WASHC4: variants seen among roughly 807,000 people sequenced by gnomAD.
The protein encoded by WASHC4 is WASH complex subunit 7.
A neutral mutation model predicts 166.6 loss-of-function variants in WASHC4; 86 were observed. The observed-to-expected ratio is 0.52, with a 90% confidence interval of 0.43 to 0.62. The LOEUF is 0.62. Ranked by LOEUF, WASHC4 falls within the 20% of genes least tolerant of loss-of-function variation. The pLI, the probability that WASHC4 is intolerant of heterozygous loss-of-function variation, is 0.00. For synonymous variants in WASHC4, 446 were observed against 451.6 expected (o/e 0.99, Z 0.16); for missense variants, 1,262 against 1,382.4 (o/e 0.91, Z 1.38).
chr12:105,140,122 C>T (rs1452303364), intron 15 of WASHC4, among the ~76,000 whole-genome samples, 172 bp from the exon 16 acceptor site: 4 of 152,118 alleles, frequency 2.6e-5, no homozygotes, highest in East Asian at 1.9e-4. Flanking sequence ...CCACCTGCCT[C>T]GACCTCCCAA....
intron 7 of WASHC4, among the ~76,000 whole-genome samples, chr12:105,119,641 G>A (rs1022724712): frequency 6.6e-6 from 1 of 152,128 alleles, no homozygotes; most frequent in Non-Finnish European, 1.5e-5. Flanking sequence ...TTCCATACCC[G>A]CTGCAGTACC....
At position 105,160,161 on chromosome 12, in the gene WASHC4, A is replaced by G. The variant is rs1212213483; in HGVS notation, c.3060+13A>G. On this transcript the variant is annotated intron_variant, in intron 29 of 32. Coordinates refer to ENST00000332180, the MANE Select transcript of WASHC4 (RefSeq NM_015275.3). ...TGTTCCCCCTCTGGTGAGTATTTCC[A>G]GAACCTAAAATGAATTTTTTTTTTA... 1.9e-6 allele frequency: 3 copies of G among 1,609,832 alleles called. No individual in the cohort carries two copies. The highest frequency in any genetic ancestry group is 2.5e-6 in the Non-Finnish European group (3 of 1,176,650).
chr12:105,115,567 C>T, intron 5 of WASHC4, 94 bp from the exon 6 acceptor site: 1 of 865,548 alleles, frequency 1.2e-6, no homozygotes, highest in Non-Finnish European at 2.0e-6. Flanking sequence ...TAAAAGATGT[C>T]CTAATGAAAA....
At chr12:105,159,678 C>T (rs994903820) in intron 28 of WASHC4, among the ~76,000 whole-genome samples, 1 of 151,914 alleles carries the variant, frequency 6.6e-6, no homozygotes, top group African/African-American at 2.4e-5. Context: ...GTAGGAGAAA[C>T]GTTAGAGATT....
chr12:105,164,264 A>G lies in WASHC4; in HGVS notation c.3311A>G (p.Gln1104Arg), dbSNP rs375960032. 2 of 1,614,092 alleles carry G rather than the reference A, an allele frequency of 1.2e-6. No individual in the cohort carries two copies. Among genetic ancestry groups the G allele is most frequent in the Non-Finnish European group, 1.7e-6 (2 of 1,179,968 alleles). ...GCCAGTCAAGATGAAAAACTCTTAC[A>G]AACCATGAATCTCACTCAGAAGCGA... ...QSASQDEKLL[Q>R]TMNLTQKRLD... The change falls in exon 31 of 33, where the codon CAA becomes CGA. Residue 1104 changes from glutamine to arginine, a missense_variant. Gln to Arg is a conservative substitution (Grantham distance 43). Transcript: ENST00000332180.
chr12:105,128,819 C>T (rs1321950116), intron 13 of WASHC4, among the ~76,000 whole-genome samples: 23 of 151,598 alleles, frequency 1.5e-4, no homozygotes, highest in Admixed American at 1.5e-3. Flanking sequence ...CGCTCTGTTG[C>T]CCAGGCTGGA....
Position 105,114,370 on chromosome 12 carries a change from CAA to C in WASHC4, c.266_267del (p.Lys89SerfsTer11). The stretch of plus-strand genomic sequence containing the variant: ...TTTACTCATGAAACTAGGTCTTAAA[CAA>C]AGTCATCACTGTTTATGCTGCACTT... ...LIKTENKVLN[K>X]VITVYAALCC... On this transcript the variant is annotated frameshift_variant, in exon 4 of 33. Transcript: ENST00000332180. LOFTEE classifies it high-confidence loss of function. 2 of 1,599,788 alleles carry C rather than the reference CAA, an allele frequency of 1.3e-6. No individual in the cohort carries two copies. Among genetic ancestry groups the C allele is most frequent in the Non-Finnish European group, 8.5e-7 (1 of 1,171,332 alleles).
At chr12:105,122,567 C>A (rs1880862611) in intron 10 of WASHC4, among the ~76,000 whole-genome samples, 1 of 151,838 alleles carries the variant, frequency 6.6e-6, no homozygotes, top group Non-Finnish European at 1.5e-5. Flanking sequence ...CAGGTAATTG[C>A]ATTTTCTACA....
chr12:105,141,323 A>G (rs1592890957), intron 18 of WASHC4, 77 bp downstream of exon 18: 1 of 1,027,790 alleles, frequency 9.7e-7, no homozygotes, highest in Non-Finnish European at 1.5e-6. Context: ...TTAGCATAGC[A>G]AGAGAAGAAA....
Position 105,146,517 on chromosome 12 carries a change from C to G in WASHC4, c.2400C>G (p.Leu800=). The G allele has an allele frequency of 6.3e-7, 1 of 1,590,160 alleles. No homozygotes were observed. Among genetic ancestry groups the G allele is most frequent in the Non-Finnish European group, 8.6e-7 (1 of 1,160,576 alleles). The change falls in exon 23 of 33, where the codon CTC becomes CTG. Residue 800 remains leucine, a synonymous_variant. Coordinates refer to ENST00000332180, the MANE Select transcript of WASHC4 (RefSeq NM_015275.3). ...HIFVSRYLYN[L]NNQIFIERTS... The stretch of plus-strand genomic sequence containing the variant: ...TTGTGTCCCGATACCTCTATAATCT[C>G]AACAATCAGGTGAGTAGGGTTTATA...
intron 10 of WASHC4, among the ~76,000 whole-genome samples, chr12:105,124,972 C>T (rs1881141183): frequency 6.6e-6 from 1 of 152,144 alleles, no homozygotes; most frequent in Non-Finnish European, 1.5e-5. Context: ...CCTTAATAGC[C>T]ACATATAGTT....
Position 105,127,203 on chromosome 12 carries a change from T to C in WASHC4, c.1113T>C (p.Ala371=). The C allele has an allele frequency of 6.2e-7, 1 of 1,612,218 alleles. No individual in the cohort carries two copies. The highest frequency in any genetic ancestry group is 1.7e-4 in the Middle Eastern group (1 of 6,056). The part of the protein sequence containing the change: ...DNFLIQKIPA[A]AKLLDRKSLQ... ...TTCTGATCCAGAAAATACCAGCAGCTGCCAAACTGCTAGACAGAAAAAGTC... is the reference window on the plus strand; with the variant it reads ...TTCTGATCCAGAAAATACCAGCAGCCGCCAAACTGCTAGACAGAAAAAGTC... The change falls in exon 13 of 33, where the codon GCT becomes GCC. Residue 371 remains alanine (A), a synonymous_variant. Transcript: ENST00000332180.
chr12:105,149,879 C>A (rs1883598567), intron 25 of WASHC4, 130 bp downstream of exon 25: 2 of 888,280 alleles, frequency 2.3e-6, no homozygotes, highest in South Asian at 2.7e-5. Context: ...TCTTACTCTG[C>A]ATTATCTGTA....
chr12:105,136,720 G>A (rs192578474), intron 14 of WASHC4, among the ~76,000 whole-genome samples: 1 of 152,252 alleles, frequency 6.6e-6, no homozygotes, highest in East Asian at 1.9e-4. Flanking sequence ...TGATGTAATA[G>A]TCTTGCAGCT....
chr12:105,162,871 A>G (rs1302452527), intron 30 of WASHC4, 26 bp downstream of exon 30: 2 of 1,204,894 alleles, frequency 1.7e-6, no homozygotes, highest in East Asian at 2.4e-5. Context: ...TTGTTTTTCC[A>G]TTAATTTTAT....
chr12:105,141,018 T>G lies in WASHC4; in HGVS notation c.1680T>G (p.Ser560=). The G allele has an allele frequency of 6.2e-7, 1 of 1,614,202 alleles. No homozygotes were observed. Among genetic ancestry groups the G allele is most frequent in the South Asian group, 1.1e-5 (1 of 91,086 alleles). The change falls in exon 17 of 33, where the codon TCT becomes TCG. Residue 560 remains serine, a synonymous_variant. Coordinates refer to ENST00000332180, the MANE Select transcript of WASHC4 (RefSeq NM_015275.3). ...PSTKQRRLIV[S]LALSVGTQMK... ...CAAAGCAACGGCGACTTATTGTTTC[T>G]TTGGCACTAAGTGTTGGCACACAAA...
At position 105,143,247 on chromosome 12, in the gene WASHC4, ACAT is replaced by A. The variant is rs1357185594; in HGVS notation, c.2010+8_2010+10del. On this transcript the variant is annotated splice_donor_5th_base_variant and intron_variant, in intron 20 of 32. Coordinates refer to ENST00000332180, the MANE Select transcript of WASHC4 (RefSeq NM_015275.3). ...AATTATGGAAATTTTAAATGAGGTA[ACAT>A]CATATTTGAGATTGAAAAGCTTAAA... The A allele has an allele frequency of 1.4e-6, 2 of 1,434,278 alleles. No homozygotes were observed. Among genetic ancestry groups the A allele is most frequent in the African/African-American group, 1.4e-5 (1 of 71,456 alleles). The allele number at this position is 1,434,278 out of a possible 1,614,324, so 88.8% of individuals were successfully genotyped here. A position where few individuals can be genotyped will look rare whatever the true frequency, so the allele number is the denominator to read the frequency against.
intron 14 of WASHC4, among the ~76,000 whole-genome samples, chr12:105,135,350 A>G (rs141842698): frequency 0.016 from 2,350 of 150,388 alleles, 18 homozygotes; most frequent in Non-Finnish European, 0.023. Flanking sequence ...TGGTCTGAAT[A>G]TGTCTTCATT....
At chr12:105,143,562 A>T (rs1190755195) in intron 20 of WASHC4, among the ~76,000 whole-genome samples, 1 of 152,054 alleles carries the variant, frequency 6.6e-6, no homozygotes, top group Non-Finnish European at 1.5e-5. Context: ...AGTTAAAGCA[A>T]CTTAACCATT....
Sources: gnomAD v4.1 joint callset for allele counts (sites outside exome capture counted in the v4.1 genomes callset) on GRCh38, gnomAD v4.1.1 for gene constraint, MANE v1.5 for transcripts, NCBI Gene and HGNC (gene_info 2026-07-23, HGNC 2026-07-21) for gene names.